PHB2: variants seen among roughly 807,000 people sequenced by gnomAD.
PHB2 encodes prohibitin-2.
PHB2 carries 22 observed loss-of-function variants against 46.4 expected under a neutral mutation model. That is an observed-to-expected ratio of 0.47 (90% confidence interval 0.34 to 0.68). PHB2 has a LOEUF of 0.68. Ranked by LOEUF, PHB2 falls within the 30% of genes least tolerant of loss-of-function variation. The pLI is 0.01. For missense variants in PHB2, 305 were observed against 382.8 expected (o/e 0.80, Z 1.70); for synonymous variants, 156 against 150.5 (o/e 1.04, Z -0.27).
rs1591701107 is a variant in PHB2, at chr12:6,967,709, C to A, written c.678G>T (p.Val226=). The A allele has an allele frequency of 6.2e-7, 1 of 1,613,900 alleles. No homozygotes were observed. Among genetic ancestry groups the A allele is most frequent in the Non-Finnish European group, 8.5e-7 (1 of 1,179,860 alleles). ...KAKQEQRQKI[V]QAEGEAEAAK... ...CAGCCTCGGCCTCACCCTCGGCCTG[C>A]ACAATTTTCTGCCGCTGTTCCTGCT... The change falls in exon 6 of 10, where the codon GTG becomes GTT. Residue 226 remains valine (V), a synonymous_variant. Transcript: ENST00000535923. This position sits in a 1 kb window ranked among gnomAD's most constrained non-coding sequence, Gnocchi z 4.9.
At chr12:6,968,134 G>T in intron 4 of PHB2, 113 bp from the exon 5 acceptor site, 1 of 994,820 alleles carries the variant, frequency 1.0e-6, no homozygotes, top group Non-Finnish European at 1.5e-6. Context: ...CACTGCCTTA[G>T]CTTCCTGTCA....
chr12:6,970,044 G>A (rs782820962), intron 2 of PHB2, 152 bp downstream of exon 2: 6 of 718,930 alleles, frequency 8.3e-6, no homozygotes, highest in African/African-American at 3.5e-5. Flanking sequence ...GTATGCTGCT[G>A]GAGGTTCTCG....
In PHB2 at chr12:6,969,574, G is replaced by T; in HGVS notation, c.216C>A (p.Ile72=). 1.3e-6 allele frequency: 2 copies of T among 1,599,696 alleles called. No individual in the cohort carries two copies. The highest frequency in any genetic ancestry group is 4.5e-5 in the East Asian group (2 of 44,768). Reference sequence around the variant, plus strand: ...AGATAATGGGGTACTGGAACCAAGGGATCCTGGAGAGGACAGGGATAGGTA... The same window carrying T: ...AGATAATGGGGTACTGGAACCAAGGTATCCTGGAGAGGACAGGGATAGGTA... ...TILAEGLHFR[I]PWFQYPIIYD... Residue 72 remains isoleucine (I), a synonymous_variant, in exon 3 of 10, where the codon ATC becomes ATA. Transcript: ENST00000535923.
intron 2 of PHB2, 59 bp from the exon 3 acceptor site, chr12:6,969,636 A>T: frequency 2.1e-6 from 2 of 959,900 alleles, no homozygotes; most frequent in Admixed American, 1.9e-5. Flanking sequence ...GCGGTGGCTC[A>T]CGCCTGTAAT....
rs1555151148 is a variant in PHB2 at position 6,967,862 on chromosome 12, A to C, written c.607+30T>G. The C allele has an allele frequency of 6.2e-7, 1 of 1,611,850 alleles. No individual in the cohort carries two copies. Among genetic ancestry groups the C allele is most frequent in the East Asian group, 2.2e-5 (1 of 44,812 alleles). On this transcript the variant is annotated intron_variant, in intron 5 of 9. Transcript: ENST00000535923. The surrounding 1 kb of genome is among the most constrained non-coding windows in gnomAD (Gnocchi z 4.9). ...GTCTTTCCTCCTCCTGCATCTCAGA[A>C]GCCCTCACCCCACGGCTCTTGCGAC...
intron 8 of PHB2, 116 bp from the exon 9 acceptor site, chr12:6,966,032 A>C (rs953960191): frequency 1.8e-6 from 2 of 1,140,990 alleles, no homozygotes; most frequent in East Asian, 2.5e-5. Flanking sequence ...GAGAAAAGAT[A>C]AACAGGGTTG....
chr12:6,970,478 G>A lies in PHB2; in HGVS notation c.66C>T (p.Ala22=). The change falls in exon 1 of 10, where the codon GCC becomes GCT. Residue 22 remains alanine (A), a synonymous_variant. Transcript: ENST00000535923. ...CGCCGGCCCCCAGCAACAGCTTCAGGGCCGTGCCCATGCCCCGGGGCCCGG... is the reference window on the plus strand; with the variant it reads ...CGCCGGCCCCCAGCAACAGCTTCAGAGCCGTGCCCATGCCCCGGGGCCCGG... ...LPAGPRGMGT[A]LKLLLGAGAV... 6.2e-7 allele frequency: 1 copy of A among 1,605,564 alleles called. No individual in the cohort carries two copies. The highest frequency in any genetic ancestry group is 1.3e-5 in the African/African-American group (1 of 74,996).
In PHB2 at chr12:6,968,555, T is replaced by C; in HGVS notation, c.333A>G (p.Arg111=). 6.2e-7 allele frequency: 1 copy of C among 1,613,822 alleles called. No homozygotes were observed. Among genetic ancestry groups the C allele is most frequent in the South Asian group, 1.1e-5 (1 of 91,010 alleles). Residue 111 remains arginine (R), a synonymous_variant, in exon 4 of 10, where the codon CGA becomes CGG. Transcript: ENST00000535923. The part of the protein sequence containing the change: ...MVNISLRVLS[R]PNAQELPSMY... ...TGCTAGGAAGCTCCTGAGCATTGGG[T>C]CGAGACAACACTCGCAGGGAGATAT...
intron 8 of PHB2, 59 bp from the exon 9 acceptor site, chr12:6,965,975 T>C: frequency 1.3e-6 from 2 of 1,575,094 alleles, no homozygotes; most frequent in East Asian, 2.3e-5. Context: ...ACATGTTAAT[T>C]GACAGCTTCA....
Position 6,970,361 on chromosome 12 carries a change from C to T in PHB2, c.127+56G>A, listed in dbSNP as rs914033736. 176 of 1,604,682 alleles carry T rather than the reference C, an allele frequency of 1.1e-4. No individual in the cohort carries two copies. The East Asian group carries it at 3.8e-3, about 35-fold the overall frequency. On this transcript the variant is annotated intron_variant, in intron 1 of 9. Coordinates refer to ENST00000535923, the MANE Select transcript of PHB2 (RefSeq NM_001144831.2). ...CCCGTGGAGGGGCGCGGGGACAGGG[C>T]AAGGGGTTTGGGGGAGGGACTGGAA...
At chr12:6,968,339 T>C (rs1400491113) in intron 4 of PHB2, 72 bp downstream of exon 4, 2 of 1,154,680 alleles carry the variant, frequency 1.7e-6, no homozygotes, top group Non-Finnish European at 2.5e-6. Flanking sequence ...ATAAGCTGCC[T>C]TTCCTAATTC....
Position 6,969,533 on chromosome 12 carries a change from C to T in PHB2, c.257G>A (p.Arg86Lys). The part of the protein sequence containing the change: ...QYPIIYDIRA[R>K]PRKISSPTGS... ...TGTAGGGGAGGAGATTTTTCGAGGTCTGGCCCGAATGTCATAGATAATGGG... is the reference window on the plus strand; with the variant it reads ...TGTAGGGGAGGAGATTTTTCGAGGTTTGGCCCGAATGTCATAGATAATGGG... The change falls in exon 3 of 10, where the codon AGA becomes AAA. Residue 86 changes from arginine (R) to lysine (K), a missense_variant. By Grantham distance (26) the Arg-to-Lys change is conservative (BLOSUM62 2). This residue lies in a region of PHB2 where 241 missense variants were observed against 302.7 expected (regional missense o/e 0.80). Coordinates refer to ENST00000535923, the MANE Select transcript of PHB2 (RefSeq NM_001144831.2). 6.2e-7 allele frequency: 1 copy of T among 1,610,276 alleles called. No individual in the cohort carries two copies. The highest frequency in any genetic ancestry group is 8.5e-7 in the Non-Finnish European group (1 of 1,177,102).
Position 6,967,871 on chromosome 12 carries a change from C to G in PHB2, c.607+21G>C. The stretch of plus-strand genomic sequence containing the variant: ...CCTCCTGCATCTCAGAAGCCCTCAC[C>G]CCACGGCTCTTGCGACTCACCCACT... On this transcript the variant is annotated intron_variant, in intron 5 of 9. Coordinates refer to ENST00000535923, the MANE Select transcript of PHB2 (RefSeq NM_001144831.2). The surrounding 1 kb of genome is among the most constrained non-coding windows in gnomAD (Gnocchi z 4.9). 2 of 1,612,964 alleles carry G rather than the reference C, an allele frequency of 1.2e-6. No homozygotes were observed. The highest frequency in any genetic ancestry group is 1.7e-6 in the Non-Finnish European group (2 of 1,179,258).
At position 6,970,261 on chromosome 12, in the gene PHB2, G is replaced by A. The variant is rs377244216; in HGVS notation, c.147C>T (p.Ala49=). The change falls in exon 2 of 10, where the codon GCC becomes GCT. Residue 49 remains alanine, a synonymous_variant. Coordinates refer to ENST00000535923, the MANE Select transcript of PHB2 (RefSeq NM_001144831.2). ...SVFTVEGGHR[A]IFFNRIGGVQ... is the part of the protein sequence containing the mutation. ...CTCCACCGATCCGATTGAAGAAGAT[G>A]GCTCTGTGCCCGCCTTCCACTGTGG... 322 of 1,613,756 alleles carry A rather than the reference G, an allele frequency of 2.0e-4. 3 individuals are homozygous for A. In the South Asian group the frequency reaches 3.1e-3, roughly 16 times the overall value.
In PHB2 at chr12:6,965,677, G is replaced by T; in HGVS notation, c.*8C>A. ...TTCCTCTGGGGGTGGAGTTCTTGGT[G>T]ACTAGGCTCATTTCTTACCCTTGAT... On this transcript the variant is annotated 3_prime_UTR_variant, in exon 10 of 10. Coordinates refer to ENST00000535923, the MANE Select transcript of PHB2 (RefSeq NM_001144831.2). 1 of 1,611,352 alleles carries T rather than the reference G, an allele frequency of 6.2e-7. No individual in the cohort carries two copies. Among genetic ancestry groups the T allele is most frequent in the South Asian group, 1.1e-5 (1 of 90,732 alleles).
chr12:6,965,837 G>A (rs1336105790), intron 9 of PHB2, 74 bp downstream of exon 9: 21 of 1,586,536 alleles, frequency 1.3e-5, no homozygotes, highest in Non-Finnish European at 1.7e-5. Context: ...GGGGAGGTGG[G>A]AAAGGGGGTA....
chr12:6,970,372 G>A, intron 1 of PHB2, 45 bp downstream of exon 1: 1 of 1,604,640 alleles, frequency 6.2e-7, no homozygotes, highest in East Asian at 2.2e-5. Flanking sequence ...AAGGGGTTTG[G>A]GGGAGGGACT....
chr12:6,965,553 C>T lies in PHB2; in HGVS notation c.*132G>A, dbSNP rs1946197678. 2.7e-6 allele frequency: 2 copies of T among 735,418 alleles called. No individual in the cohort carries two copies. Among genetic ancestry groups the T allele is most frequent in the East Asian group, 2.7e-5 (1 of 37,532 alleles). The allele number at this position is 735,418 out of a possible 1,614,324, so 45.6% of individuals were successfully genotyped here. A position where few individuals can be genotyped will look rare whatever the true frequency, so the allele number is the denominator to read the frequency against. ...AGTCTTCCTTAATCCAAGAGGGGTT[C>T]AGGGAACCGGTGTGGGGGACCATCG... is the stretch of plus-strand genomic sequence containing the variant. On this transcript the variant is annotated 3_prime_UTR_variant, in exon 10 of 10. Transcript: ENST00000535923.
At chr12:6,968,868 G>T (rs994314285) in intron 3 of PHB2, among the ~76,000 whole-genome samples, 19 of 152,182 alleles carry the variant, frequency 1.2e-4, no homozygotes, top group Admixed American at 1.2e-3. Context: ...TAACGTGGGC[G>T]CTTTCGTGCT....
Sources: gnomAD v4.1 joint callset for allele counts (sites outside exome capture counted in the v4.1 genomes callset) on GRCh38, gnomAD v4.1.1 for gene constraint, gnomAD v4.1.1 regional missense constraint, Gnocchi (gnomAD v3.1) non-coding constraint, MANE v1.5 for transcripts, NCBI Gene and HGNC (gene_info 2026-07-23, HGNC 2026-07-21) for gene names.